Variants in CFAP299 observed in about 807,000 individuals in gnomAD.
CFAP299 encodes cilia- and flagella-associated protein 299.
Under a neutral mutation model 27.0 loss-of-function variants are expected in CFAP299, and 21 were observed. The ratio of observed to expected loss-of-function variants is 0.78; its 90% confidence interval spans 0.55 to 1.12. The LOEUF (loss-of-function observed/expected upper bound fraction) is 1.12. Ranked by LOEUF, CFAP299 falls within the 50% of genes most tolerant of loss-of-function variation. The probability of loss-of-function intolerance (pLI) is 0.00; values close to 1 mark genes in which losing one functional copy is unlikely to be tolerated. For missense variants in CFAP299, 310 were observed against 276.6 expected, an observed-to-expected ratio of 1.12 and a Z score of -0.86; for synonymous variants, 104 against 98.1, an observed-to-expected ratio of 1.06 and a Z score of -0.36.
chr4:80,833,732 T>G (rs1316119951), intron 3 of CFAP299, among the ~76,000 whole-genome samples: 1 of 152,230 alleles, frequency 6.6e-6, no homozygotes, highest in Non-Finnish European at 1.5e-5. Flanking sequence ...AATCTACCTC[T>G]GCACAGAAAG....
chr4:80,325,807 A>T, the CFAP299 span, among the ~76,000 whole-genome samples: 5 of 152,240 alleles, frequency 3.3e-5, no homozygotes, highest in African/African-American at 1.2e-4. Flanking sequence ...AGGTATCTAT[A>T]GATGAAGGAA....
intron 3 of CFAP299, among the ~76,000 whole-genome samples, chr4:80,701,173 GA>G (rs1721454798): frequency 6.6e-6 from 1 of 151,994 alleles, no homozygotes. Context: ...TTAGAATTGA[GA>G]ACACAAATGG....
chr4:80,950,083 A>G (rs1471762237), intron 5 of CFAP299, among the ~76,000 whole-genome samples: 1 of 152,172 alleles, frequency 6.6e-6, no homozygotes, highest in Non-Finnish European at 1.5e-5. Flanking sequence ...TATTATGTAT[A>G]TCTATCTAGA....
At chr4:80,575,592 A>G (rs912736338) in intron 2 of CFAP299, among the ~76,000 whole-genome samples, 3 of 151,692 alleles carry the variant, frequency 2.0e-5, no homozygotes, top group African/African-American at 7.3e-5. Flanking sequence ...AAAAAAACCA[A>G]TTTTCCCTTT....
At chr4:80,855,549 C>A (rs1731808139) in intron 3 of CFAP299, among the ~76,000 whole-genome samples, 1 of 152,148 alleles carries the variant, frequency 6.6e-6, no homozygotes, top group African/African-American at 2.4e-5. Context: ...AATGCTATCC[C>A]TCCCCTCTCC....
At chr4:80,787,936 C>G (rs1009970799) in intron 3 of CFAP299, among the ~76,000 whole-genome samples, 2 of 151,656 alleles carry the variant, frequency 1.3e-5, no homozygotes, top group South Asian at 2.1e-4. Flanking sequence ...ATAAGTTGTG[C>G]GTTCCCCTCT....
At chr4:80,602,658 C>T (rs1354246364) in intron 3 of CFAP299, among the ~76,000 whole-genome samples, 1 of 152,024 alleles carries the variant, frequency 6.6e-6, no homozygotes, top group Non-Finnish European at 1.5e-5. Context: ...TTCTTTCCTT[C>T]CTTGGTTGCT....
intron 4 of CFAP299, among the ~76,000 whole-genome samples, chr4:80,888,222 G>T (rs999903959): frequency 5.3e-5 from 8 of 151,934 alleles, no homozygotes; most frequent in Admixed American, 4.6e-4. Context: ...AAGGGTCAAC[G>T]ATCCGCTGCC....
intron 2 of CFAP299, among the ~76,000 whole-genome samples, chr4:80,553,381 A>G (rs961485718): frequency 9.9e-5 from 15 of 152,192 alleles, no homozygotes; most frequent in African/African-American, 3.6e-4. Flanking sequence ...AATATGTACC[A>G]AATTTTATCT....
intron 2 of CFAP299, among the ~76,000 whole-genome samples, chr4:80,438,769 A>G (rs887259839): frequency 2.6e-5 from 4 of 152,182 alleles, no homozygotes; most frequent in Non-Finnish European, 5.9e-5. Flanking sequence ...TTTAACTTGT[A>G]TTGTACTAGT....
intron 2 of CFAP299, among the ~76,000 whole-genome samples, chr4:80,573,698 G>A (rs574074951): frequency 2.6e-5 from 4 of 151,976 alleles, no homozygotes; most frequent in African/African-American, 7.2e-5. Flanking sequence ...CAGTATTTCT[G>A]GCACCATTTA....
At chr4:80,844,947 G>A (rs1486478487) in intron 3 of CFAP299, among the ~76,000 whole-genome samples, 1 of 152,114 alleles carries the variant, frequency 6.6e-6, no homozygotes, top group East Asian at 1.9e-4. Flanking sequence ...TGTAAGGAAG[G>A]GATCCAGTTT....
intron 4 of CFAP299, 126 bp downstream of exon 4, chr4:80,870,261 GA>G (rs1305492341): frequency 1.5e-6 from 2 of 1,299,788 alleles, no homozygotes; most frequent in Non-Finnish European, 2.0e-6. Context: ...TTATTAATAT[GA>G]AAATAACTAA....
intron 3 of CFAP299, among the ~76,000 whole-genome samples, chr4:80,720,865 A>G (rs974711563): frequency 3.3e-5 from 5 of 152,142 alleles, no homozygotes; most frequent in East Asian, 1.9e-4. Flanking sequence ...CCTATATTCC[A>G]TATTCAAAAA....
chr4:80,564,171 AC>A (rs530120403), intron 2 of CFAP299, among the ~76,000 whole-genome samples: 21 of 152,152 alleles, frequency 1.4e-4, no homozygotes, highest in African/African-American at 5.1e-4. Context: ...ATACTTCCAA[AC>A]TCATTCTACA....
intron 2 of CFAP299, among the ~76,000 whole-genome samples, chr4:80,489,729 G>C (rs1015834050): frequency 6.6e-6 from 1 of 152,082 alleles, no homozygotes; most frequent in Non-Finnish European, 1.5e-5. Flanking sequence ...TCTGACTGTT[G>C]TACCATAGCA....
chr4:80,534,565 A>G (rs1733636891), intron 2 of CFAP299, among the ~76,000 whole-genome samples: 1 of 152,060 alleles, frequency 6.6e-6, no homozygotes, highest in Admixed American at 6.5e-5. Flanking sequence ...ATTTATGTAC[A>G]GAAATGAGAA....
At chr4:80,778,756 T>G (rs969609930) in intron 3 of CFAP299, among the ~76,000 whole-genome samples, 5 of 152,128 alleles carry the variant, frequency 3.3e-5, no homozygotes, top group African/African-American at 4.8e-5. Flanking sequence ...TAATTTCACT[T>G]ACACAGTTTT....
At chr4:80,861,746 GTTA>G (rs896213873) in intron 3 of CFAP299, among the ~76,000 whole-genome samples, 6 of 152,048 alleles carry the variant, frequency 3.9e-5, no homozygotes, top group Non-Finnish European at 8.8e-5. Context: ...TTTGCAAAAT[GTTA>G]TTATTCTAAT....
Sources: gnomAD v4.1 joint callset for allele counts (sites outside exome capture counted in the v4.1 genomes callset) on GRCh38, gnomAD v4.1.1 for gene constraint, MANE v1.5 for transcripts, NCBI Gene and HGNC (gene_info 2026-07-23, HGNC 2026-07-21) for gene names.